The following DNAH12 variants were observed in gnomAD, a reference collection of about 807,000 sequenced individuals.
DNAH12 encodes the protein axonemal beta dynein heavy chain 12.
In DNAH12, 285 loss-of-function variants were observed where a neutral mutation model predicts 371.5. The observed-to-expected ratio is 0.77, with a 90% CI of 0.70 to 0.85. The LOEUF is 0.85. Among genes scored for constraint, DNAH12 ranks in the 40% least tolerant of loss-of-function variants. The pLI, the probability that DNAH12 is intolerant of heterozygous loss-of-function variation, is 0.00. For missense variants in DNAH12, 3,611 were observed against 3,689.4 expected (o/e 0.98, Z 0.55); for synonymous variants, 1,200 against 1,213.0 (o/e 0.99, Z 0.22).
At chr3:57,482,210 C>T (rs1177987501) in intron 13 of DNAH12, among the ~76,000 whole-genome samples, 3 of 151,868 alleles carry the variant, frequency 2.0e-5, no homozygotes, top group Non-Finnish European at 2.9e-5. Flanking sequence ...ACAATGAACT[C>T]AAACAAATTT....
At chr3:57,339,514 C>T (rs1386272579) in intron 60 of DNAH12, among the ~76,000 whole-genome samples, 1 of 151,968 alleles carries the variant, frequency 6.6e-6, no homozygotes, top group African/African-American at 2.4e-5. Flanking sequence ...ATAAGTTCTA[C>T]TGTTCTGTAG....
intron 62 of DNAH12, among the ~76,000 whole-genome samples, chr3:57,324,019 A>C (rs1241809058): frequency 1.3e-5 from 2 of 152,194 alleles, no homozygotes; most frequent in Non-Finnish European, 2.9e-5. Flanking sequence ...AGAGAGATAC[A>C]AGTAGAAATT....
At chr3:57,421,900 G>GTATTTTTTTTTTTT in intron 35 of DNAH12, among the ~76,000 whole-genome samples, 194 bp from the exon 36 acceptor site, 1 of 97,704 alleles carries the variant, frequency 1.0e-5, no homozygotes, top group Admixed American at 9.3e-5. Context: ...ATGTTTGCAT[G>GTATTTTTTTTTTTT]TCTTTTTTTT....
chr3:57,329,812 A>C (rs1379020570), intron 62 of DNAH12, among the ~76,000 whole-genome samples: 4 of 149,678 alleles, frequency 2.7e-5, no homozygotes, highest in Non-Finnish European at 5.9e-5. Flanking sequence ...CAACCTACTT[A>C]TCTGACAAAA....
intron 1 of DNAH12, 85 bp from the exon 2 acceptor site, chr3:57,542,988 G>T: frequency 9.6e-7 from 1 of 1,038,816 alleles, no homozygotes; most frequent in Non-Finnish European, 1.3e-6. Context: ...AATACCAAAA[G>T]TAAAATTCTA....
intron 28 of DNAH12, 50 bp downstream of exon 28, chr3:57,445,124 A>G: frequency 6.8e-7 from 1 of 1,473,616 alleles, no homozygotes; most frequent in Non-Finnish European, 9.0e-7. Flanking sequence ...CTCACTAAAG[A>G]AAATTATCTT....
Position 57,527,584 on chromosome 3 carries a change from A to C in DNAH12, c.171-3700T>G, listed in dbSNP as rs553541234. ...CACTTTGAAGCAACCAGATCTCACGAGAACTCACTATCATGAGGACAGCAT... is the reference window on the plus strand; with the variant it reads ...CACTTTGAAGCAACCAGATCTCACGCGAACTCACTATCATGAGGACAGCAT... On this transcript the variant is annotated intron_variant, in intron 2 of 73. Coordinates refer to ENST00000495027, the MANE Select transcript of DNAH12 (RefSeq NM_001366028.2). Among the ~76,000 whole-genome samples, 39 of 152,318 alleles carry C rather than the reference A, an allele frequency of 2.6e-4. 1 individual carries two copies. The South Asian group carries it at 8.1e-3, about 32-fold the overall frequency.
chr3:57,300,802 A>C (rs901933676), intron 70 of DNAH12, among the ~76,000 whole-genome samples: 1 of 152,222 alleles, frequency 6.6e-6, no homozygotes, highest in African/African-American at 2.4e-5. Context: ...ATTTCCAAAA[A>C]AAAAATAGTT....
At chr3:57,359,464 C>CAGGAGAA (rs2062872410) in intron 58 of DNAH12, among the ~76,000 whole-genome samples, 1 of 146,834 alleles carries the variant, frequency 6.8e-6, no homozygotes, top group South Asian at 2.1e-4. Context: ...GAGGCTGAGG[C>CAGGAGAA]AGGAGAATGG....
intron 12 of DNAH12, among the ~76,000 whole-genome samples, chr3:57,485,299 T>C (rs1364473814): frequency 6.6e-6 from 1 of 152,042 alleles, no homozygotes. Flanking sequence ...GACCAATGAG[T>C]GGATAAAGAA....
intron 5 of DNAH12, 120 bp downstream of exon 5, chr3:57,510,670 C>A (rs577018054): frequency 1.0e-4 from 87 of 871,686 alleles, no homozygotes; most frequent in East Asian, 3.4e-4. Flanking sequence ...AAGAAAAAAA[C>A]CAGATATAGT....
intron 36 of DNAH12, 38 bp downstream of exon 36, chr3:57,421,480 G>A (rs760364542): frequency 6.5e-7 from 1 of 1,544,624 alleles, no homozygotes; most frequent in South Asian, 1.2e-5. Flanking sequence ...CTAAGCCTTT[G>A]TGTTTTATCT....
At chr3:57,492,569 A>G (rs998531594) in intron 11 of DNAH12, among the ~76,000 whole-genome samples, 7 of 152,216 alleles carry the variant, frequency 4.6e-5, no homozygotes, top group Non-Finnish European at 1.0e-4. Context: ...CAACTATAGT[A>G]TATCAGAAAC....
At chr3:57,525,154 C>CAAAAAAAAAA (rs5849213) in intron 2 of DNAH12, among the ~76,000 whole-genome samples, 3 of 109,456 alleles carry the variant, frequency 2.7e-5, no homozygotes, top group African/African-American at 3.3e-5. Context: ...AGAGGAGAAA[C>CAAAAAAAAAA]AAAAAAAAAA....
chr3:57,487,288 AAAGG>A (rs148766578), intron 12 of DNAH12, among the ~76,000 whole-genome samples: 2 of 110,508 alleles, frequency 1.8e-5, no homozygotes, highest in African/African-American at 3.7e-5. Context: ...AAGAAGGAAG[AAAGG>A]AAGGAAGGAA....
At chr3:57,302,828 G>A (rs62252002) in intron 69 of DNAH12, among the ~76,000 whole-genome samples, 27,632 of 147,744 alleles carry the variant, frequency 0.19, 2,894 homozygotes, top group African/African-American at 0.25. Flanking sequence ...CACCTGCCTC[G>A]GCCTCCCAAA....
At chr3:57,535,662 C>A (rs1250771615) in intron 2 of DNAH12, among the ~76,000 whole-genome samples, 1 of 152,132 alleles carries the variant, frequency 6.6e-6, no homozygotes, top group Non-Finnish European at 1.5e-5. Flanking sequence ...CCTGCCTCAG[C>A]CTCCCGAGTA....
intron 11 of DNAH12, among the ~76,000 whole-genome samples, chr3:57,493,194 A>G (rs2067191954): frequency 6.6e-6 from 1 of 152,246 alleles, no homozygotes; most frequent in African/African-American, 2.4e-5. Flanking sequence ...AATACAAATT[A>G]AAGAGAATAC....
At chr3:57,531,794 C>G (rs942416490) in intron 2 of DNAH12, among the ~76,000 whole-genome samples, 2 of 140,272 alleles carry the variant, frequency 1.4e-5, no homozygotes, top group African/African-American at 5.5e-5. Flanking sequence ...AAAAAAAAGC[C>G]TTGAGGTCAT....
Sources: gnomAD v4.1 joint callset for allele counts (sites outside exome capture counted in the v4.1 genomes callset) on GRCh38, gnomAD v4.1.1 for gene constraint, MANE v1.5 for transcripts, NCBI Gene and HGNC (gene_info 2026-07-23, HGNC 2026-07-21) for gene names.